HS6ST3: variants seen among roughly 807,000 people sequenced by gnomAD.
HS6ST3 encodes the protein heparan sulfate 6-O-sulfotransferase 3, also known as heparan-sulfate 6-O-sulfotransferase 3.
In HS6ST3, 12 loss-of-function variants were observed where a neutral mutation model predicts 36.7. That is an observed-to-expected ratio of 0.33 (90% CI 0.21 to 0.53). The LOEUF (loss-of-function observed/expected upper bound fraction) is 0.53, where lower values mean the gene tolerates loss of function less well. Among genes scored for constraint, HS6ST3 ranks in the 20% least tolerant of loss-of-function variants. HS6ST3 has a pLI of 0.95. For synonymous variants in HS6ST3, 240 were observed against 257.5 expected (o/e 0.93, Z 0.65); for missense variants, 584 against 640.9 (o/e 0.91, Z 0.96).
chr13:96,248,745 A>G (rs1456287159), intron 1 of HS6ST3, among the ~76,000 whole-genome samples: 2 of 152,204 alleles, frequency 1.3e-5, no homozygotes, highest in African/African-American at 4.8e-5. Flanking sequence ...AATTAAAATT[A>G]TATATGATAA....
At chr13:96,721,796 C>T (rs566398032) in intron 1 of HS6ST3, among the ~76,000 whole-genome samples, 1 of 152,096 alleles carries the variant, frequency 6.6e-6, no homozygotes, top group Non-Finnish European at 1.5e-5. Context: ...GAGCCAAGCT[C>T]ATTAAAATTA....
intron 1 of HS6ST3, among the ~76,000 whole-genome samples, chr13:96,247,335 C>A (rs895295805): frequency 2.0e-5 from 3 of 152,024 alleles, no homozygotes; most frequent in African/African-American, 7.2e-5. Context: ...AAATTGTAAT[C>A]CCCATAATCC....
chr13:96,833,164 C>A lies in HS6ST3; in HGVS notation c.1382C>A (p.Thr461Asn). ...GATGGGGCTGCAGAAGGGACTGTCA[C>A]CGAGGACTACAACAGCCAGGTGGTG... is the stretch of plus-strand genomic sequence containing the variant. ...KEDGAAEGTV[T>N]EDYNSQVVRW is the part of the protein sequence containing the mutation. The change falls in exon 2 of 2, where the codon ACC (threonine) becomes AAC (asparagine). Residue 461 changes from threonine (T) to asparagine (N), a missense_variant. By Grantham distance (65) the Thr-to-Asn change is moderately conservative (BLOSUM62 0). Transcript: ENST00000376705. The A allele has an allele frequency of 6.3e-7, 1 of 1,587,402 alleles. No individual in the cohort carries two copies. Among genetic ancestry groups the A allele is most frequent in the Non-Finnish European group, 8.5e-7 (1 of 1,174,018 alleles).
intron 1 of HS6ST3, among the ~76,000 whole-genome samples, chr13:96,120,295 G>A (rs559322781): frequency 6.6e-6 from 1 of 152,266 alleles, no homozygotes; most frequent in Non-Finnish European, 1.5e-5. Flanking sequence ...ATATTTCTGT[G>A]GTTTTAAGCT....
At chr13:96,476,411 G>A (rs750488013) in intron 1 of HS6ST3, among the ~76,000 whole-genome samples, 2 of 152,098 alleles carry the variant, frequency 1.3e-5, no homozygotes, top group Non-Finnish European at 2.9e-5. Context: ...CACCCAGGCT[G>A]GAGTGCAATG....
intron 1 of HS6ST3, among the ~76,000 whole-genome samples, chr13:96,559,069 A>C (rs1026348975): frequency 1.4e-5 from 2 of 147,900 alleles, no homozygotes; most frequent in Non-Finnish European, 3.0e-5. Flanking sequence ...GAGAATCTAT[A>C]TAATCTATCT....
At chr13:96,641,783 A>G (rs894688447) in intron 1 of HS6ST3, among the ~76,000 whole-genome samples, 2 of 151,828 alleles carry the variant, frequency 1.3e-5, no homozygotes, top group African/African-American at 4.8e-5. Context: ...TTGTTCCTAT[A>G]TAGCTTATTT....
chr13:96,291,304 A>G (rs1450352822), intron 1 of HS6ST3, among the ~76,000 whole-genome samples: 2 of 152,198 alleles, frequency 1.3e-5, no homozygotes, highest in Non-Finnish European at 2.9e-5. Flanking sequence ...TGAAACAATA[A>G]TAAGGCCTGG....
chr13:96,254,488 T>TACACAC (rs1227477647), intron 1 of HS6ST3, among the ~76,000 whole-genome samples: 9 of 13,916 alleles, frequency 6.5e-4, no homozygotes, highest in African/African-American at 1.7e-3. Context: ...TATATATATA[T>TACACAC]ATATATATAT....
chr13:96,737,774 G>C (rs1024044658), intron 1 of HS6ST3, among the ~76,000 whole-genome samples: 1 of 151,748 alleles, frequency 6.6e-6, no homozygotes, highest in African/African-American at 2.4e-5. Context: ...TTTTAATAAA[G>C]CTATCATCTC....
At chr13:96,577,802 C>T (rs553452421) in intron 1 of HS6ST3, among the ~76,000 whole-genome samples, 38 of 152,246 alleles carry the variant, frequency 2.5e-4, no homozygotes, top group Middle Eastern at 3.4e-3. Flanking sequence ...TACCATTTCA[C>T]GCCAGTTAGA....
chr13:96,776,130 C>A (rs1414270741), intron 1 of HS6ST3, among the ~76,000 whole-genome samples: 1 of 152,086 alleles, frequency 6.6e-6, no homozygotes, highest in East Asian at 1.9e-4. Context: ...TAAATAAGTT[C>A]TTTGAAACCA....
chr13:96,328,307 G>C (rs1488375578), intron 1 of HS6ST3, among the ~76,000 whole-genome samples: 3 of 149,508 alleles, frequency 2.0e-5, no homozygotes, highest in African/African-American at 7.4e-5. Context: ...GTATGATATT[G>C]GCTGTGGGTT....
At chr13:96,587,682 T>A in intron 1 of HS6ST3, among the ~76,000 whole-genome samples, 1 of 152,170 alleles carries the variant, frequency 6.6e-6, no homozygotes, top group Non-Finnish European at 1.5e-5. Flanking sequence ...GAGTGATAAC[T>A]CATAGTTTCC....
intron 1 of HS6ST3, among the ~76,000 whole-genome samples, chr13:96,534,478 C>A (rs988644382): frequency 5.3e-5 from 8 of 152,156 alleles, no homozygotes; most frequent in Admixed American, 2.6e-4. Flanking sequence ...GTTAGGGGGT[C>A]TAAATGCAAT....
intron 1 of HS6ST3, among the ~76,000 whole-genome samples, chr13:96,537,916 G>A (rs1371442872): frequency 6.6e-6 from 1 of 152,166 alleles, no homozygotes; most frequent in Non-Finnish European, 1.5e-5. Flanking sequence ...GATGCAGGTG[G>A]ACAGTGATGG....
intron 1 of HS6ST3, among the ~76,000 whole-genome samples, chr13:96,734,279 G>T (rs1876228978): frequency 1.3e-5 from 2 of 152,152 alleles, no homozygotes; most frequent in Admixed American, 6.5e-5. Flanking sequence ...AAGGAATAAA[G>T]AAAAATCATT....
intron 1 of HS6ST3, among the ~76,000 whole-genome samples, chr13:96,538,601 G>A (rs897684713): frequency 6.6e-6 from 1 of 152,098 alleles, no homozygotes; most frequent in African/African-American, 2.4e-5. Flanking sequence ...ATGCCACCAT[G>A]CCCGGCTAAT....
chr13:96,785,710 A>T (rs1168337594), intron 1 of HS6ST3, among the ~76,000 whole-genome samples: 2 of 152,212 alleles, frequency 1.3e-5, no homozygotes, highest in Non-Finnish European at 2.9e-5. Flanking sequence ...GAAAGCAACA[A>T]GAGACATGCA....
Sources: allele counts gnomAD v4.1 joint callset (sites outside exome capture counted in the v4.1 genomes callset), GRCh38; gene constraint gnomAD v4.1.1; transcripts MANE v1.5; gene names NCBI Gene and HGNC (gene_info 2026-07-23, HGNC 2026-07-21).